UNC5D: variants seen among roughly 807,000 people sequenced by gnomAD.
The protein encoded by UNC5D is unc-5 netrin receptor D.
In UNC5D, 39 loss-of-function variants were observed where a neutral mutation model predicts 105.4. The observed-to-expected ratio is 0.37, with a 90% confidence interval of 0.29 to 0.48. The LOEUF is 0.48. Among genes scored for constraint, UNC5D ranks in the 20% least tolerant of loss-of-function variants. UNC5D has a pLI of 0.98. For synonymous variants in UNC5D, 452 were observed against 450.4 expected, an observed-to-expected ratio of 1.00 and a Z score of -0.04; for missense variants, 991 against 1,202.4, an observed-to-expected ratio of 0.82 and a Z score of 2.60.
chr8:35,313,588 T>A (rs1809060062), intron 1 of UNC5D, among the ~76,000 whole-genome samples: 1 of 152,202 alleles, frequency 6.6e-6, no homozygotes, highest in Admixed American at 6.6e-5. Flanking sequence ...GTGGGAGACC[T>A]GATTGATTAC....
intron 1 of UNC5D, among the ~76,000 whole-genome samples, chr8:35,538,203 G>C (rs1814975324): frequency 6.6e-6 from 1 of 151,530 alleles, no homozygotes. Context: ...AAAGAGGGGG[G>C]ACATTCGTAT....
At chr8:35,392,660 T>G (rs960494491) in intron 1 of UNC5D, among the ~76,000 whole-genome samples, 19 of 152,174 alleles carry the variant, frequency 1.2e-4, no homozygotes, top group African/African-American at 4.3e-4. Flanking sequence ...CATTACAAAG[T>G]CACATCGGCA....
intron 1 of UNC5D, among the ~76,000 whole-genome samples, chr8:35,326,872 C>T (rs756267571): frequency 6.6e-6 from 1 of 151,946 alleles, no homozygotes; most frequent in African/African-American, 2.4e-5. Flanking sequence ...TGCACTGGTG[C>T]GTTCAGGGCC....
At chr8:35,268,378 T>A (rs1414231370) in intron 1 of UNC5D, among the ~76,000 whole-genome samples, 1 of 152,144 alleles carries the variant, frequency 6.6e-6, no homozygotes, top group Non-Finnish European at 1.5e-5. Flanking sequence ...GTCTCATAGA[T>A]TCCTTACAAT....
chr8:35,724,492 CTG>C (rs1380403055), intron 9 of UNC5D, among the ~76,000 whole-genome samples: 2 of 152,124 alleles, frequency 1.3e-5, no homozygotes, highest in Non-Finnish European at 1.5e-5. Context: ...AAAGAGAAGA[CTG>C]GGGTGACCAG....
intron 1 of UNC5D, among the ~76,000 whole-genome samples, chr8:35,393,360 C>G (rs546067931): frequency 1.3e-5 from 2 of 151,888 alleles, no homozygotes; most frequent in African/African-American, 4.8e-5. Context: ...GTCTCGATCT[C>G]CTGACCTCGT....
At chr8:35,537,700 A>G (rs1814938711) in intron 1 of UNC5D, among the ~76,000 whole-genome samples, 1 of 150,414 alleles carries the variant, frequency 6.6e-6, no homozygotes, top group African/African-American at 2.4e-5. Flanking sequence ...AAGTAAATAA[A>G]TAAAAATAAA....
At chr8:35,410,785 G>T (rs961069745) in intron 1 of UNC5D, among the ~76,000 whole-genome samples, 2 of 152,036 alleles carry the variant, frequency 1.3e-5, no homozygotes, top group African/African-American at 4.8e-5. Context: ...ACACGAAATT[G>T]ATGTGGAAGC....
chr8:35,629,355 G>A (rs1291229117), intron 4 of UNC5D, among the ~76,000 whole-genome samples: 2 of 152,056 alleles, frequency 1.3e-5, no homozygotes, highest in Non-Finnish European at 2.9e-5. Flanking sequence ...TTTGAGAAAT[G>A]TCTGTTCGTG....
At chr8:35,427,877 T>C (rs907588450) in intron 1 of UNC5D, among the ~76,000 whole-genome samples, 15 of 152,192 alleles carry the variant, frequency 9.9e-5, no homozygotes, top group African/African-American at 3.6e-4. Context: ...CTGATAAAAC[T>C]GTAAGCCACT....
At chr8:35,481,107 C>A (rs1246129150) in intron 1 of UNC5D, among the ~76,000 whole-genome samples, 1 of 152,124 alleles carries the variant, frequency 6.6e-6, no homozygotes, top group African/African-American at 2.4e-5. Flanking sequence ...TGGTTGAAGC[C>A]AATTGACTTT....
chr8:35,766,075 A>T (rs1801752579), intron 14 of UNC5D, among the ~76,000 whole-genome samples: 1 of 152,142 alleles, frequency 6.6e-6, no homozygotes, highest in African/African-American at 2.4e-5. Context: ...AGGAAAAATG[A>T]GTAATCTATA....
chr8:35,338,688 T>C (rs1050308666), intron 1 of UNC5D, among the ~76,000 whole-genome samples: 6 of 152,158 alleles, frequency 3.9e-5, no homozygotes, highest in Non-Finnish European at 2.9e-5. Context: ...TCTTCCTGGC[T>C]CACTTTTAGA....
At chr8:35,351,716 C>G (rs1382089132) in intron 1 of UNC5D, among the ~76,000 whole-genome samples, 1 of 152,132 alleles carries the variant, frequency 6.6e-6, no homozygotes, top group Non-Finnish European at 1.5e-5. Context: ...ATTAGGCCAA[C>G]TGCCTACTAT....
chr8:35,489,484 C>T (rs1211046973), intron 1 of UNC5D, among the ~76,000 whole-genome samples: 1 of 152,172 alleles, frequency 6.6e-6, no homozygotes, highest in Admixed American at 6.5e-5. Context: ...TCTAATCTTA[C>T]TGATGTCCTT....
At chr8:35,354,738 CTATT>C (rs1801452704) in intron 1 of UNC5D, among the ~76,000 whole-genome samples, 1 of 152,114 alleles carries the variant, frequency 6.6e-6, no homozygotes, top group African/African-American at 2.4e-5. Flanking sequence ...CCTTGAATAA[CTATT>C]TTATGTAGGT....
chr8:35,299,853 G>A (rs1807791232), intron 1 of UNC5D, among the ~76,000 whole-genome samples: 1 of 152,194 alleles, frequency 6.6e-6, no homozygotes, highest in African/African-American at 2.4e-5. Flanking sequence ...ATAGAGTGAG[G>A]AAAGTTACTG....
chr8:35,756,273 C>T (rs1222174236), intron 13 of UNC5D, among the ~76,000 whole-genome samples: 2 of 151,832 alleles, frequency 1.3e-5, no homozygotes, highest in Non-Finnish European at 2.9e-5. Context: ...AAGGAGTAAG[C>T]GAAAAGAGCA....
rs117875726 is a variant in UNC5D, at chr8:35,721,290, T to C, written c.1118-920T>C. Among the ~76,000 whole-genome samples the C allele has an allele frequency of 3.5e-3, 538 of 152,166 alleles. 18 individuals are homozygous for C. The East Asian group carries it at 0.066, about 19-fold the overall frequency. On this transcript the variant is annotated intron_variant, in intron 8 of 16. Coordinates refer to ENST00000404895, the MANE Select transcript of UNC5D (RefSeq NM_080872.4). ...TATCTCAGATAAATCTCGTGTGCTG[T>C]ATTGCAGGAGCCATCATGGATCTGC...
Sources: gnomAD v4.1 joint callset for allele counts (sites outside exome capture counted in the v4.1 genomes callset) on GRCh38, gnomAD v4.1.1 for gene constraint, MANE v1.5 for transcripts, NCBI Gene and HGNC (gene_info 2026-07-23, HGNC 2026-07-21) for gene names.